Variants in ALK observed in about 807,000 individuals in gnomAD.
The protein encoded by ALK is ALK tyrosine kinase receptor.
Under a neutral mutation model 163.1 loss-of-function variants are expected in ALK, and 74 were observed. That is an observed-to-expected ratio of 0.45 (90% CI 0.38 to 0.55). The LOEUF (loss-of-function observed/expected upper bound fraction) is 0.55. Among genes scored for constraint, ALK ranks in the 20% least tolerant of loss-of-function variants. The pLI is 0.00. For missense variants in ALK, 2,063 were observed against 2,105.3 expected (o/e 0.98, Z 0.39); for synonymous variants, 960 against 843.2 (o/e 1.14, Z -2.40).
intron 1 of ALK, among the ~76,000 whole-genome samples, chr2:29,756,774 G>C (rs938710543): frequency 1.3e-5 from 2 of 152,046 alleles, no homozygotes; most frequent in Non-Finnish European, 2.9e-5. Flanking sequence ...TGATCCACCC[G>C]CCTCAGCCTT....
intron 11 of ALK, among the ~76,000 whole-genome samples, chr2:29,262,830 G>T (rs1573172525): frequency 6.6e-6 from 1 of 152,250 alleles, no homozygotes; most frequent in Non-Finnish European, 1.5e-5. Flanking sequence ...ATCTGCAGGA[G>T]ATTTTAATGG....
chr2:29,749,921 T>G (rs1680308957), intron 1 of ALK, among the ~76,000 whole-genome samples: 1 of 152,156 alleles, frequency 6.6e-6, no homozygotes, highest in South Asian at 2.1e-4. Context: ...GCTCCTCCCC[T>G]AAAACACTCC....
rs1344667245 is a variant in ALK, at chr2:29,246,956, A to G, written c.2204+4149T>C. 1.3e-5 allele frequency among the ~76,000 whole-genome samples: 2 copies of G among 152,302 alleles called. No homozygotes were observed. Among genetic ancestry groups the G allele is most frequent in the African/African-American group, 2.4e-5 (1 of 41,564 alleles). ...CCTCCAGCCTCGGCTCCCCGAGGCC[A>G]GCCTTGCCCGACTTCTCATCGGCAG... On this transcript the variant is annotated intron_variant, in intron 12 of 28. Transcript: ENST00000389048. This position sits in a 1 kb window ranked among gnomAD's most constrained non-coding sequence, Gnocchi z 4.3.
At chr2:29,789,151 T>C (rs541428451) in intron 1 of ALK, among the ~76,000 whole-genome samples, 42 of 152,178 alleles carry the variant, frequency 2.8e-4, no homozygotes, top group African/African-American at 9.9e-4. Context: ...CTACCATTTA[T>C]TGAGCACCTC....
chr2:29,672,746 C>T (rs1196526902), intron 3 of ALK, among the ~76,000 whole-genome samples: 3 of 151,752 alleles, frequency 2.0e-5, no homozygotes, highest in Admixed American at 2.0e-4. Context: ...CCTGAGGAAT[C>T]GCCACACTGA....
At chr2:29,353,735 A>G (rs1328218058) in intron 5 of ALK, among the ~76,000 whole-genome samples, 1 of 152,202 alleles carries the variant, frequency 6.6e-6, no homozygotes, top group African/African-American at 2.4e-5. Flanking sequence ...AAAAAAAAAA[A>G]AGCATTTATT....
intron 3 of ALK, among the ~76,000 whole-genome samples, chr2:29,588,434 T>A (rs1159282729): frequency 6.6e-6 from 1 of 152,120 alleles, no homozygotes. Flanking sequence ...TTTTGCCATG[T>A]TGGTCAGGCT....
intron 12 of ALK, among the ~76,000 whole-genome samples, chr2:29,243,072 C>G (rs548464442): frequency 1.5e-3 from 236 of 152,304 alleles, no homozygotes; most frequent in Non-Finnish European, 2.7e-3. Flanking sequence ...TACTACAGGA[C>G]TGATTGCCTT....
intron 4 of ALK, among the ~76,000 whole-genome samples, chr2:29,425,350 G>A (rs1008272328): frequency 6.6e-6 from 1 of 151,992 alleles, no homozygotes; most frequent in African/African-American, 2.4e-5. Flanking sequence ...GGTACCTCCT[G>A]GTACCCAGGA....
intron 1 of ALK, among the ~76,000 whole-genome samples, chr2:29,771,855 C>T (rs535190545): frequency 5.4e-4 from 82 of 152,292 alleles, no homozygotes; most frequent in African/African-American, 1.8e-3. Context: ...ATTCTATACC[C>T]AGAGAAACTA....
At position 29,246,037 on chromosome 2, in the gene ALK, T is replaced by G. The variant is rs1459118121; in HGVS notation, c.2204+5068A>C. 6.6e-6 allele frequency among the ~76,000 whole-genome samples: 1 copy of G among 152,194 alleles called. No individual in the cohort carries two copies. The highest frequency in any genetic ancestry group is 1.5e-5 in the Non-Finnish European group (1 of 68,026). The stretch of plus-strand genomic sequence containing the variant: ...CTGGGACCTGGGGCCTCTTGTCCAT[T>G]ATGTCTGAAGAGCAGGTGAGCTGTG... On this transcript the variant is annotated intron_variant, in intron 12 of 28. Coordinates refer to ENST00000389048, the MANE Select transcript of ALK (RefSeq NM_004304.5). The surrounding 1 kb of genome is among the most constrained non-coding windows in gnomAD (Gnocchi z 4.3).
chr2:29,540,486 CCAAATATTAT>C (rs1479901152), intron 3 of ALK, among the ~76,000 whole-genome samples: 1 of 151,698 alleles, frequency 6.6e-6, no homozygotes, highest in Admixed American at 6.6e-5. Flanking sequence ...AATAATCAGG[CCAAATATTAT>C]CAAACTAATA....
Position 29,870,192 on chromosome 2 carries a change from C to T in ALK, c.667+49801G>A, listed in dbSNP as rs543044040. The stretch of plus-strand genomic sequence containing the variant: ...CCTGTATAATTCTGTTCTCACACTG[C>T]TATAAAGACATACCTGAGACTGGGT... On this transcript the variant is annotated intron_variant, in intron 1 of 28. Coordinates refer to ENST00000389048, the MANE Select transcript of ALK (RefSeq NM_004304.5). Among the ~76,000 whole-genome samples the T allele has an allele frequency of 8.5e-5, 13 of 152,214 alleles. 1 individual carries two copies. In the East Asian group the frequency reaches 2.5e-3, roughly 29 times the overall value.
chr2:29,751,533 C>T (rs112719998), intron 1 of ALK, among the ~76,000 whole-genome samples: 22 of 152,238 alleles, frequency 1.4e-4, no homozygotes, highest in African/African-American at 5.3e-4. Context: ...GTGAGCATCT[C>T]AGCTTCTTGT....
chr2:29,888,641 T>A (rs1157965154), intron 1 of ALK, among the ~76,000 whole-genome samples: 3 of 152,214 alleles, frequency 2.0e-5, no homozygotes, highest in African/African-American at 7.2e-5. Flanking sequence ...CTGTTCAGTA[T>A]ACCTAATTAG....
rs74774946 is a variant in ALK, at chr2:29,920,191, G to T, written c.469C>A (p.Pro157Thr). 13 of 1,612,902 alleles carry T rather than the reference G, an allele frequency of 8.1e-6. No individual in the cohort carries two copies. Among genetic ancestry groups the T allele is most frequent in the Non-Finnish European group, 1.0e-5 (12 of 1,179,920 alleles). Residue 157 changes from proline (P) to threonine (T), a missense_variant, in exon 1 of 29, where the codon CCC becomes ACC. Coordinates refer to ENST00000389048, the MANE Select transcript of ALK (RefSeq NM_004304.5). Reference protein sequence around the residue: ...EEAILEGCVGPPGEAAVGLLQ... With the variant: ...EEAILEGCVGTPGEAAVGLLQ... ...AGCCCCACAGCCGCCTCCCCGGGGG[G>T]CCCGACGCAACCCTCCAAGATCGCC...
rs756371156 is a variant in ALK, at chr2:29,229,002, A to G, written c.2697T>C (p.Gly899=). ...GGGGGCAGGAATGTCCTCCGGTGGCACCCTCCTGCAAAGATTTTCCGGCCC... is the reference window on the plus strand; with the variant it reads ...GGGGGCAGGAATGTCCTCCGGTGGCGCCCTCCTGCAAAGATTTTCCGGCCC... ...LLWAGKSLQE[G]ATGGHSCPQA... Residue 899 remains glycine, a synonymous_variant, in exon 16 of 29, where the codon GGT becomes GGC. Coordinates refer to ENST00000389048, the MANE Select transcript of ALK (RefSeq NM_004304.5). 7.0e-7 allele frequency: 1 copy of G among 1,425,676 alleles called. No individual in the cohort carries two copies. Among genetic ancestry groups the G allele is most frequent in the Non-Finnish European group, 9.4e-7 (1 of 1,069,240 alleles). 88.3% of individuals were successfully genotyped at this position (1,425,676 alleles called of 1,614,324 possible).
chr2:29,759,656 A>C (rs1336026957), intron 1 of ALK, among the ~76,000 whole-genome samples: 1 of 152,182 alleles, frequency 6.6e-6, no homozygotes, highest in Non-Finnish European at 1.5e-5. Flanking sequence ...AGAGATGTCC[A>C]TGATTTCTCT....
intron 3 of ALK, among the ~76,000 whole-genome samples, chr2:29,589,881 G>A (rs767422622): frequency 1.3e-5 from 2 of 152,224 alleles, no homozygotes; most frequent in Non-Finnish European, 2.9e-5. Flanking sequence ...CCAGGTGGAA[G>A]CACTTTGGCA....
Sources: allele counts gnomAD v4.1 joint callset (sites outside exome capture counted in the v4.1 genomes callset), GRCh38; gene constraint gnomAD v4.1.1; non-coding constraint Gnocchi (gnomAD v3.1); transcripts MANE v1.5; gene names NCBI Gene and HGNC (gene_info 2026-07-23, HGNC 2026-07-21).